PCDHA3: variants seen among roughly 807,000 people sequenced by gnomAD.
PCDHA3 encodes the protein protocadherin alpha 3.
PCDHA3 carries 41 observed loss-of-function variants against 62.2 expected under a neutral mutation model. The observed-to-expected ratio is 0.66, with a 90% confidence interval of 0.51 to 0.86. The LOEUF is 0.86. PCDHA3 is among the 40% of genes least tolerant of loss of function. The probability of loss-of-function intolerance (pLI) is 0.00; values close to 1 mark genes in which losing one functional copy is unlikely to be tolerated. For synonymous variants in PCDHA3, 640 were observed against 555.4 expected, an observed-to-expected ratio of 1.15 and a Z score of -2.14; for missense variants, 1,304 against 1,241.2, an observed-to-expected ratio of 1.05 and a Z score of -0.76.
intron 1 of PCDHA3, chr5:140,871,080 G>A: frequency 6.2e-7 from 1 of 1,613,212 alleles, no homozygotes; most frequent in Non-Finnish European, 8.5e-7. Flanking sequence ...CGGCGCTGAC[G>A]GCCACGGCCA....
At chr5:140,841,121 A>G in intron 1 of PCDHA3, 1 of 638,688 alleles carries the variant, frequency 1.6e-6, no homozygotes, top group Non-Finnish European at 2.6e-6. Flanking sequence ...TCATGTAATC[A>G]TTACCTTTTG....
intron 1 of PCDHA3, among the ~76,000 whole-genome samples, chr5:140,894,455 T>C (rs1316862860): frequency 6.6e-6 from 1 of 152,000 alleles, no homozygotes; most frequent in Non-Finnish European, 1.5e-5. Flanking sequence ...TTAAAAAATA[T>C]TTTACTTTTT....
chr5:140,884,083 G>A, intron 1 of PCDHA3: 1 of 1,613,596 alleles, frequency 6.2e-7, no homozygotes. Context: ...GCTACAATGC[G>A]TGGCTTTCGT....
chr5:140,910,577 C>T (rs1425639563), intron 1 of PCDHA3, among the ~76,000 whole-genome samples: 1 of 152,186 alleles, frequency 6.6e-6, no homozygotes, highest in Non-Finnish European at 1.5e-5. Flanking sequence ...TTTCTGGATC[C>T]TCCCAGCTGG....
intron 1 of PCDHA3, among the ~76,000 whole-genome samples, chr5:140,941,194 TCTTTCTTCCTTTCTTTCTTCCTTTC>T (rs1257521577): frequency 8.9e-6 from 1 of 112,354 alleles, no homozygotes; most frequent in Admixed American, 9.1e-5. Context: ...TCTTTTTTTT[TCTTTCTTCCTTTCTTTCTTCCTTTC>T]TTTCTTTCTT....
At chr5:141,000,768 A>G (rs1434125702) in intron 3 of PCDHA3, among the ~76,000 whole-genome samples, 43 of 151,864 alleles carry the variant, frequency 2.8e-4, no homozygotes, top group African/African-American at 4.8e-5. Context: ...TTAGCCAGGC[A>G]TAGTGGCGCA....
chr5:141,008,871 C>T (rs1249220900), intron 3 of PCDHA3, among the ~76,000 whole-genome samples: 2 of 152,168 alleles, frequency 1.3e-5, no homozygotes, highest in African/African-American at 4.8e-5. Context: ...TGCTGCATCC[C>T]ACCACCCTTC....
At chr5:140,996,200 A>G (rs1338736394) in intron 3 of PCDHA3, among the ~76,000 whole-genome samples, 1 of 152,236 alleles carries the variant, frequency 6.6e-6, no homozygotes, top group South Asian at 2.1e-4. Flanking sequence ...CCCTCAATGC[A>G]AGGATATCAC....
At chr5:140,828,051 CG>C in intron 1 of PCDHA3, 1 of 1,545,276 alleles carries the variant, frequency 6.5e-7, no homozygotes, top group East Asian at 2.3e-5. Flanking sequence ...TATCTTTATG[CG>C]GAAGATCTTC....
intron 1 of PCDHA3, among the ~76,000 whole-genome samples, chr5:140,962,088 T>C (rs893852980): frequency 6.6e-6 from 1 of 152,092 alleles, no homozygotes; most frequent in Non-Finnish European, 1.5e-5. Flanking sequence ...GGTTTCACCA[T>C]GTTAGCCAGG....
chr5:140,985,163 T>G (rs1045171380), intron 3 of PCDHA3, among the ~76,000 whole-genome samples: 7 of 152,096 alleles, frequency 4.6e-5, no homozygotes, highest in South Asian at 2.1e-4. Flanking sequence ...TGTCTCAATC[T>G]CCTGACCTCG....
intron 3 of PCDHA3, among the ~76,000 whole-genome samples, chr5:141,002,329 A>C (rs2098072323): frequency 6.6e-6 from 1 of 152,226 alleles, no homozygotes; most frequent in Non-Finnish European, 1.5e-5. Context: ...GCCGGGCTGC[A>C]TCCGCACCCC....
intron 1 of PCDHA3, among the ~76,000 whole-genome samples, chr5:140,910,576 C>T (rs1305355365): frequency 6.6e-6 from 1 of 152,174 alleles, no homozygotes; most frequent in African/African-American, 2.4e-5. Context: ...TTTTCTGGAT[C>T]CTCCCAGCTG....
chr5:140,993,462 TCACA>T (rs3836747), intron 3 of PCDHA3, among the ~76,000 whole-genome samples: 18,508 of 140,892 alleles, frequency 0.13, 1,341 homozygotes, highest in African/African-American at 0.21. Flanking sequence ...TCTTTCTTTC[TCACA>T]CACACACACA....
chr5:140,873,418 A>C (rs2054276774), intron 1 of PCDHA3, among the ~76,000 whole-genome samples: 1 of 152,174 alleles, frequency 6.6e-6, no homozygotes. Flanking sequence ...AATTTTGTAA[A>C]TTATTATTTT....
At chr5:140,993,720 T>C (rs1201014213) in intron 3 of PCDHA3, among the ~76,000 whole-genome samples, 2 of 152,172 alleles carry the variant, frequency 1.3e-5, no homozygotes, top group Non-Finnish European at 2.9e-5. Context: ...TTACTGTACC[T>C]TTTCTATGTT....
At chr5:140,935,673 A>T (rs1462991962) in intron 1 of PCDHA3, among the ~76,000 whole-genome samples, 1 of 152,180 alleles carries the variant, frequency 6.6e-6, no homozygotes, top group Non-Finnish European at 1.5e-5. Flanking sequence ...AATTATGTGA[A>T]ATATTTACAT....
intron 1 of PCDHA3, among the ~76,000 whole-genome samples, chr5:140,844,878 G>A (rs2150374648): frequency 6.7e-6 from 1 of 149,434 alleles, no homozygotes; most frequent in East Asian, 1.9e-4. Flanking sequence ...ATACCCATTA[G>A]ACTTCGTGCA....
intron 1 of PCDHA3, among the ~76,000 whole-genome samples, chr5:140,903,665 G>A (rs2070490056): frequency 6.6e-6 from 1 of 152,156 alleles, no homozygotes; most frequent in African/African-American, 2.4e-5. Context: ...AAATTTAACT[G>A]ATATAAAAGA....
Sources: gnomAD v4.1 joint callset for allele counts (sites outside exome capture counted in the v4.1 genomes callset) on GRCh38, gnomAD v4.1.1 for gene constraint, MANE v1.5 for transcripts, NCBI Gene and HGNC (gene_info 2026-07-23, HGNC 2026-07-21) for gene names.